Variants in ADCY6 observed in about 807,000 individuals in gnomAD.
ADCY6 encodes the protein adenylate cyclase 6, also known as adenylate cyclase type 6.
In ADCY6, 59 loss-of-function variants were observed where a neutral mutation model predicts 111.6. The observed-to-expected ratio is 0.53, with a 90% confidence interval of 0.43 to 0.66. The LOEUF (loss-of-function observed/expected upper bound fraction) is 0.66. ADCY6 is among the 30% of genes least tolerant of loss of function. The probability of loss-of-function intolerance (pLI) is 0.00; values close to 1 mark genes in which losing one functional copy is unlikely to be tolerated. For missense variants in ADCY6, 1,242 were observed against 1,595.6 expected (o/e 0.78, Z 3.78); for synonymous variants, 576 against 642.9 (o/e 0.90, Z 1.57).
intron 1 of ADCY6, among the ~76,000 whole-genome samples, chr12:48,786,831 G>C (rs887020228): frequency 6.6e-6 from 1 of 152,224 alleles, no homozygotes; most frequent in Non-Finnish European, 1.5e-5. Context: ...CCAAACCTTA[G>C]CGTGATTATT....
chr12:48,789,057 C>A lies in ADCY6; in HGVS notation c.-156G>T. ...CGTCCGCCGTCCGCCCGGCCCTCGC[C>A]CCCTCCCGAGCTGTCCAGCGCAGCC... is the stretch of plus-strand genomic sequence containing the variant. On this transcript the variant is annotated 5_prime_UTR_variant, in exon 1 of 22. Coordinates refer to ENST00000357869, the MANE Select transcript of ADCY6 (RefSeq NM_015270.5). 1 of 151,134 alleles carries A rather than the reference C, an allele frequency of 6.6e-6. No individual in the cohort carries two copies. The highest frequency in any genetic ancestry group is 1.9e-4 in the South Asian group (1 of 5,170). 9.4% of individuals were successfully genotyped at this position (151,134 alleles called of 1,614,324 possible). A position where few individuals can be genotyped will look rare whatever the true frequency, so the allele number is the denominator to read the frequency against.
At chr12:48,783,701 G>C (rs1385605565) in intron 1 of ADCY6, 9 of 647,836 alleles carry the variant, frequency 1.4e-5, no homozygotes, top group Non-Finnish European at 2.2e-5. Context: ...CCAGCACTTT[G>C]TGAGGCCGAG....
Position 48,788,924 on chromosome 12 carries a change from G to GT in ADCY6, c.-24_-23insA, listed in dbSNP as rs1942032618. ...CGCTCACCTGCCGGCCCGGCTCCGC[G>GT]CCTGCCCTGGGCCCCCGCCCCGCCG... On this transcript the variant is annotated 5_prime_UTR_variant, in exon 1 of 22. Coordinates refer to ENST00000357869, the MANE Select transcript of ADCY6 (RefSeq NM_015270.5). The GT allele has an allele frequency of 6.8e-6, 1 of 148,128 alleles. No individual in the cohort carries two copies. The highest frequency in any genetic ancestry group is 6.7e-5 in the Admixed American group (1 of 14,882). The allele number at this position is 148,128 out of a possible 1,614,324, so 9.2% of individuals were successfully genotyped here. A position where few individuals can be genotyped will look rare whatever the true frequency, so the allele number is the denominator to read the frequency against.
intron 1 of ADCY6, among the ~76,000 whole-genome samples, chr12:48,788,173 G>A (rs575597767): frequency 6.6e-6 from 1 of 152,208 alleles, no homozygotes; most frequent in South Asian, 2.1e-4. Flanking sequence ...TGTATCTGTC[G>A]GTCCAGTGCC....
At chr12:48,773,170 G>A (rs945197184) in intron 16 of ADCY6, among the ~76,000 whole-genome samples, 4 of 152,116 alleles carry the variant, frequency 2.6e-5, no homozygotes, top group African/African-American at 9.7e-5. Flanking sequence ...CTGCCACCAA[G>A]CAGCTGTATG....
At position 48,771,402 on chromosome 12, in the gene ADCY6, G is replaced by A; in HGVS notation, c.3051+308C>T. 1 of 526,630 alleles carries A rather than the reference G, an allele frequency of 1.9e-6. No homozygotes were observed. Among genetic ancestry groups the A allele is most frequent in the South Asian group, 2.0e-5 (1 of 49,050 alleles). The allele number at this position is 526,630 out of a possible 1,614,324, so 32.6% of individuals were successfully genotyped here. On this transcript the variant is annotated intron_variant, in intron 19 of 21. Transcript: ENST00000357869. The surrounding 1 kb of genome is among the most constrained non-coding windows in gnomAD (Gnocchi z 4.3). Reference sequence around the variant, plus strand: ...CCATCTTGCTTGGTTGGTCTCATGAGGTTCTGTCCACAGACTATTGCCTTC... The same window carrying A: ...CCATCTTGCTTGGTTGGTCTCATGAAGTTCTGTCCACAGACTATTGCCTTC...
At position 48,772,212 on chromosome 12, in the gene ADCY6, C is replaced by A. The variant is rs1301380268; in HGVS notation, c.2787+83G>T. On this transcript the variant is annotated intron_variant, in intron 18 of 21. Coordinates refer to ENST00000357869, the MANE Select transcript of ADCY6 (RefSeq NM_015270.5). ...GCCTAGGTGTGGCCTGAGCCTTAGC[C>A]AGCTAGCACAAGATACATTTCTGGC... 36 of 1,523,432 alleles carry A rather than the reference C, an allele frequency of 2.4e-5. No homozygotes were observed. In the East Asian group the frequency reaches 7.9e-4, roughly 33 times the overall value. 94.4% of individuals were successfully genotyped at this position (1,523,432 alleles called of 1,614,324 possible). A position where few individuals can be genotyped will look rare whatever the true frequency, so the allele number is the denominator to read the frequency against.
chr12:48,772,668 C>T lies in ADCY6; in HGVS notation c.2622-125G>A. On this transcript the variant is annotated intron_variant, in intron 16 of 21. Transcript: ENST00000357869. ...CTGTAAGTCAGGCATTGGGCCAGGG[C>T]TTTTACTTACATTAATTAACTCATT... 6 of 1,086,390 alleles carry T rather than the reference C, an allele frequency of 5.5e-6. No homozygotes were observed. In the South Asian group the frequency reaches 7.5e-5, roughly 14 times the overall value. The allele number at this position is 1,086,390 out of a possible 1,614,324, so 67.3% of individuals were successfully genotyped here. A position where few individuals can be genotyped will look rare whatever the true frequency, so the allele number is the denominator to read the frequency against.
Position 48,778,102 on chromosome 12 carries a change from C to A in ADCY6, c.1014+6G>T. The A allele has an allele frequency of 6.2e-7, 1 of 1,604,852 alleles. No individual in the cohort carries two copies. On this transcript the variant is annotated splice_donor_region_variant and intron_variant, in intron 3 of 21. Transcript: ENST00000357869. ...GGCAGGCCCTGGTCACGGGGAGCAG[C>A]CCCACCTGCTGCCGATTCTCATGCT...
Position 48,771,421 on chromosome 12 carries a change from T to G in ADCY6, c.3051+289A>C, listed in dbSNP as rs1025501340. Reference sequence around the variant, plus strand: ...TCATGAGGTTCTGTCCACAGACTATTGCCTTCTTCTTCAGTGACATCCACC... The same window carrying G: ...TCATGAGGTTCTGTCCACAGACTATGGCCTTCTTCTTCAGTGACATCCACC... On this transcript the variant is annotated intron_variant, in intron 19 of 21. Coordinates refer to ENST00000357869, the MANE Select transcript of ADCY6 (RefSeq NM_015270.5). This position sits in a 1 kb window ranked among gnomAD's most constrained non-coding sequence, Gnocchi z 4.3. The G allele has an allele frequency of 1.5e-4, 80 of 551,692 alleles. No homozygotes were observed. The highest frequency in any genetic ancestry group is 1.2e-3 in the South Asian group (62 of 50,494). The allele number at this position is 551,692 out of a possible 1,614,324, so 34.2% of individuals were successfully genotyped here.
chr12:48,778,349 GAGGA>G, intron 2 of ADCY6, 92 bp from the exon 3 acceptor site: 1 of 1,541,518 alleles, frequency 6.5e-7, no homozygotes, highest in Non-Finnish European at 8.9e-7. Context: ...TAGGTTCTCT[GAGGA>G]AGGAAGCCAG....
At chr12:48,786,621 C>T (rs1451786260) in intron 1 of ADCY6, among the ~76,000 whole-genome samples, 1 of 152,192 alleles carries the variant, frequency 6.6e-6, no homozygotes, top group Non-Finnish European at 1.5e-5. Flanking sequence ...TCTCGGCCTC[C>T]CAAAGTGCTG....
In ADCY6 at chr12:48,775,287, C is replaced by T; in HGVS notation, c.1980+16G>A. Reference sequence around the variant, plus strand: ...CCTCCCCCAGCCCTTGTCCTTCTGCCCTGTATCCCTCAAACCTTCTTCTCA... The same window carrying T: ...CCTCCCCCAGCCCTTGTCCTTCTGCTCTGTATCCCTCAAACCTTCTTCTCA... On this transcript the variant is annotated intron_variant, in intron 11 of 21. Transcript: ENST00000357869. The T allele has an allele frequency of 6.2e-7, 1 of 1,613,930 alleles. No homozygotes were observed. The highest frequency in any genetic ancestry group is 8.5e-7 in the Non-Finnish European group (1 of 1,179,964).
At chr12:48,773,782 T>G in intron 15 of ADCY6, 135 bp from the exon 16 acceptor site, 1 of 1,433,922 alleles carries the variant, frequency 7.0e-7, no homozygotes, top group Non-Finnish European at 9.6e-7. Context: ...CCACCTTCCA[T>G]GCCCAGCCCC....
At chr12:48,774,547 AG>A in intron 13 of ADCY6, 29 bp from the exon 14 acceptor site, 1 of 1,604,430 alleles carries the variant, frequency 6.2e-7, no homozygotes, top group Non-Finnish European at 8.5e-7. Flanking sequence ...CAAGAGTTGA[AG>A]GTTGTATCAG....
intron 1 of ADCY6, among the ~76,000 whole-genome samples, chr12:48,784,510 AT>A (rs1267886738): frequency 1.3e-5 from 2 of 151,820 alleles, no homozygotes; most frequent in Non-Finnish European, 2.9e-5. Context: ...GCCCAAGTCA[AT>A]GAGTGAAGCA....
intron 1 of ADCY6, among the ~76,000 whole-genome samples, chr12:48,786,471 A>T (rs1364461381): frequency 1.3e-5 from 2 of 152,022 alleles, no homozygotes; most frequent in Non-Finnish European, 2.9e-5. Context: ...GGTTCAAGCA[A>T]TTCTGCCTCG....
chr12:48,771,152 G>T lies in ADCY6; in HGVS notation c.3052-182C>A. 3.2e-6 allele frequency: 2 copies of T among 626,348 alleles called. No individual in the cohort carries two copies. The highest frequency in any genetic ancestry group is 3.9e-5 in the South Asian group (2 of 50,698). 38.8% of individuals were successfully genotyped at this position (626,348 alleles called of 1,614,324 possible). A position where few individuals can be genotyped will look rare whatever the true frequency, so the allele number is the denominator to read the frequency against. On this transcript the variant is annotated intron_variant, in intron 19 of 21. Coordinates refer to ENST00000357869, the MANE Select transcript of ADCY6 (RefSeq NM_015270.5). The surrounding 1 kb of genome is among the most constrained non-coding windows in gnomAD (Gnocchi z 4.3). ...GGAAAACAGGCAGCCTAGGACTCCAGGCAGGACTTGGGCATACAGCTTCAG... is the reference window on the plus strand; with the variant it reads ...GGAAAACAGGCAGCCTAGGACTCCATGCAGGACTTGGGCATACAGCTTCAG...
chr12:48,781,176 A>G (rs963811267), intron 2 of ADCY6, among the ~76,000 whole-genome samples: 1 of 151,544 alleles, frequency 6.6e-6, no homozygotes, highest in Non-Finnish European at 1.5e-5. Context: ...ACTCCAGCCT[A>G]ACGACAGAGC....
Sources: allele counts gnomAD v4.1 joint callset (sites outside exome capture counted in the v4.1 genomes callset), GRCh38; gene constraint gnomAD v4.1.1; non-coding constraint Gnocchi (gnomAD v3.1); transcripts MANE v1.5; gene names NCBI Gene and HGNC (gene_info 2026-07-23, HGNC 2026-07-21).